HEATR9: variants seen among roughly 807,000 people sequenced by gnomAD.
HEATR9 encodes the protein protein HEATR9.
HEATR9 carries 54 observed loss-of-function variants against 68.2 expected under a neutral mutation model. The ratio of observed to expected loss-of-function variants is 0.79; its 90% CI spans 0.64 to 0.99. HEATR9 has a LOEUF of 0.99. Ranked by LOEUF, HEATR9 falls within the 50% of genes least tolerant of loss-of-function variation. The pLI is 0.00. For missense variants in HEATR9, 662 were observed against 679.7 expected, an observed-to-expected ratio of 0.97 and a Z score of 0.29; for synonymous variants, 241 against 253.5, an observed-to-expected ratio of 0.95 and a Z score of 0.47.
rs147961774 is a variant in HEATR9 at position 35,865,227 on chromosome 17, C to T, written c.308G>A (p.Arg103Lys). The T allele has an allele frequency of 3.0e-5, 48 of 1,613,838 alleles. No individual in the cohort carries two copies. In the East Asian group the frequency reaches 1.0e-3, roughly 34 times the overall value. The part of the protein sequence containing the change: ...REAEKMLRKM[R>K]DDCRYIKEVH... ...CAGCAAAACACACCTACAGTCATCT[C>T]TCATTTTCCTCAACATCTTCTCAGC... The change falls in exon 3 of 15, where the codon AGA (arginine) becomes AAA (lysine). Residue 103 changes from arginine (R) to lysine (K), a missense_variant. Arg to Lys is a conservative substitution (Grantham distance 26). Transcript: ENST00000604834.
chr17:35,857,588 T>C (rs1300107445), intron 11 of HEATR9, among the ~76,000 whole-genome samples: 1 of 151,958 alleles, frequency 6.6e-6, no homozygotes, highest in Non-Finnish European at 1.5e-5. Flanking sequence ...TGAAACCCCG[T>C]CTCTACTAAA....
intron 2 of HEATR9, among the ~76,000 whole-genome samples, chr17:35,865,843 A>C (rs2088181445): frequency 1.3e-5 from 2 of 152,194 alleles, no homozygotes; most frequent in Admixed American, 6.5e-5. Flanking sequence ...GCTCATTCAG[A>C]TATTTATTTG....
chr17:35,866,736 C>A lies in HEATR9; in HGVS notation c.126G>T (p.Leu42Phe). The change falls in exon 2 of 15, where the codon TTG (leucine) becomes TTT (phenylalanine). Residue 42 changes from leucine to phenylalanine, a missense_variant. Transcript: ENST00000604834. The part of the protein sequence containing the change: ...RKAMAPVHLP[L>F]SCYQMPKEEF... ...TAAGGGGTCTTACCTGGTAGCAGGA[C>A]AAGGGCAGATGAACAGGAGCCATGG... 1 of 1,614,048 alleles carries A rather than the reference C, an allele frequency of 6.2e-7. No homozygotes were observed. The highest frequency in any genetic ancestry group is 8.5e-7 in the Non-Finnish European group (1 of 1,179,958).
Position 35,859,033 on chromosome 17 carries a change from A to G in HEATR9, c.794T>C (p.Val265Ala). 6.2e-7 allele frequency: 1 copy of G among 1,614,220 alleles called. No homozygotes were observed. Among genetic ancestry groups the G allele is most frequent in the Non-Finnish European group, 8.5e-7 (1 of 1,180,038 alleles). Residue 265 changes from valine (V) to alanine (A), a missense_variant, in exon 9 of 15, where the codon GTA becomes GCA. Coordinates refer to ENST00000604834, the MANE Select transcript of HEATR9 (RefSeq NM_152781.4). ...QVGDEGKLVP[V>A]LQTLIKKSSS... Reference sequence around the variant, plus strand: ...CGACTTCTTGATCAGTGTCTGTAGTACAGGCACCAGCTTGCCCTCATCCCC... The same window carrying G: ...CGACTTCTTGATCAGTGTCTGTAGTGCAGGCACCAGCTTGCCCTCATCCCC...
At position 35,856,188 on chromosome 17, in the gene HEATR9, T is replaced by A; in HGVS notation, c.1263A>T (p.Glu421Asp). The A allele has an allele frequency of 6.2e-7, 1 of 1,614,160 alleles. No individual in the cohort carries two copies. Among genetic ancestry groups the A allele is most frequent in the Non-Finnish European group, 8.5e-7 (1 of 1,180,014 alleles). ...LMNPDATARQ[E>D]AVISLGVLGI... is the part of the protein sequence containing the mutation. ...CCTGCCTTACCAAAGAGATGACTGC[T>A]TCCTGGCGTGCAGTGGCATCTGGGT... Residue 421 changes from glutamate to aspartate, a missense_variant, in exon 13 of 15, where the codon GAA (glutamate) becomes GAT (aspartate). Glu to Asp is a conservative substitution (Grantham distance 45). Coordinates refer to ENST00000604834, the MANE Select transcript of HEATR9 (RefSeq NM_152781.4).
At chr17:35,858,116 G>T in intron 11 of HEATR9, 84 bp downstream of exon 11, 2 of 1,558,696 alleles carry the variant, frequency 1.3e-6, no homozygotes, top group Non-Finnish European at 1.8e-6. Flanking sequence ...GTGATACTTC[G>T]GTGGAGGCCA....
intron 12 of HEATR9, 74 bp downstream of exon 12, chr17:35,856,658 C>T (rs2087783088): frequency 7.5e-6 from 10 of 1,339,282 alleles, no homozygotes; most frequent in Non-Finnish European, 2.1e-6. Flanking sequence ...CCCCTTCCCA[C>T]TGACCCTCTC....
intron 8 of HEATR9, 35 bp from the exon 9 acceptor site, chr17:35,859,105 T>A: frequency 6.4e-7 from 1 of 1,572,594 alleles, no homozygotes; most frequent in Non-Finnish European, 8.7e-7. Flanking sequence ...GGGGAGGGGC[T>A]ATGTACTTTA....
At chr17:35,858,627 G>T in intron 9 of HEATR9, 102 bp from the exon 10 acceptor site, 1 of 1,119,740 alleles carries the variant, frequency 8.9e-7, no homozygotes. Context: ...GAACAGCTAA[G>T]GTCCTTTTTT....
chr17:35,856,750 A>G lies in HEATR9; in HGVS notation c.1208T>C (p.Met403Thr), dbSNP rs560712908. ...CACTCACGCCTCCACCAAGTTCATC[A>G]TCGTAGGCTTCAACTTGAGCTCTTC... ...TVEELKLKPT[M>T]MNLVEAQLMN... The change falls in exon 12 of 15, where the codon ATG (methionine) becomes ACG (threonine). Residue 403 changes from methionine (M) to threonine (T), a missense_variant. Coordinates refer to ENST00000604834, the MANE Select transcript of HEATR9 (RefSeq NM_152781.4). The G allele has an allele frequency of 1.2e-6, 2 of 1,605,670 alleles. No homozygotes were observed. Among genetic ancestry groups the G allele is most frequent in the Admixed American group, 1.7e-5 (1 of 59,072 alleles).
intron 5 of HEATR9, 23 bp downstream of exon 5, chr17:35,864,474 C>T (rs2088120911): frequency 6.2e-7 from 1 of 1,612,240 alleles, no homozygotes; most frequent in African/African-American, 1.3e-5. Context: ...TAACCACCCT[C>T]CTCTATCCTT....
At chr17:35,860,478 AT>A (rs111780037) in intron 8 of HEATR9, among the ~76,000 whole-genome samples, 13,166 of 105,534 alleles carry the variant, frequency 0.12, 796 homozygotes, top group African/African-American at 0.25. Context: ...TTATTTATTT[AT>A]TTTATTTATT....
Position 35,859,019 on chromosome 17 carries a change from TC to T in HEATR9, c.807del (p.Ile270SerfsTer19). 1 of 1,614,200 alleles carries T rather than the reference TC, an allele frequency of 6.2e-7. No individual in the cohort carries two copies. Among genetic ancestry groups the T allele is most frequent in the Non-Finnish European group, 8.5e-7 (1 of 1,180,040 alleles). ...EGKLVPVLQT[L>X]IKKSSSEASL... ...GATGCTTCACTGGACGACTTCTTGA[TC>T]AGTGTCTGTAGTACAGGCACCAGCT... On this transcript the variant is annotated frameshift_variant, in exon 9 of 15. Coordinates refer to ENST00000604834, the MANE Select transcript of HEATR9 (RefSeq NM_152781.4). LOFTEE classifies it high-confidence loss of function.
chr17:35,857,847 A>G lies in HEATR9; in HGVS notation c.1152+353T>C, dbSNP rs576084720. ...GGGAACATAGAGGAAGGTAGGGTTA[A>G]TGCTGATTGGTGATTTGGGAAAGCT... is the stretch of plus-strand genomic sequence containing the variant. On this transcript the variant is annotated intron_variant, in intron 11 of 14. Transcript: ENST00000604834. Among the ~76,000 whole-genome samples, 21 of 152,334 alleles carry G rather than the reference A, an allele frequency of 1.4e-4. No homozygotes were observed. In the South Asian group the frequency reaches 1.4e-3, roughly 11 times the overall value.
At chr17:35,856,376 C>CA in intron 12 of HEATR9, 152 bp from the exon 13 acceptor site, 1 of 1,571,036 alleles carries the variant, frequency 6.4e-7, no homozygotes. Flanking sequence ...AGAAAAGGGG[C>CA]AGGGAGAGGA....
intron 8 of HEATR9, chr17:35,861,066 A>T: frequency 1.2e-6 from 1 of 863,610 alleles, no homozygotes; most frequent in Non-Finnish European, 2.0e-6. Context: ...AGAAATGGTT[A>T]CAGAGATTTT....
At chr17:35,860,391 CAAAAAAA>C (rs1291619732) in intron 8 of HEATR9, among the ~76,000 whole-genome samples, 1 of 56,814 alleles carries the variant, frequency 1.8e-5, no homozygotes, top group Non-Finnish European at 3.6e-5. Flanking sequence ...GACTCCGTCT[CAAAAAAA>C]AAAAAAAAAC....
At chr17:35,860,902 C>T (rs1273456181) in intron 8 of HEATR9, among the ~76,000 whole-genome samples, 1 of 151,876 alleles carries the variant, frequency 6.6e-6, no homozygotes, top group Non-Finnish European at 1.5e-5. Context: ...AAAAATTAGC[C>T]GGGCGTGGTG....
rs757814714 is a variant in HEATR9 at position 35,856,275 on chromosome 17, G to A, written c.1227-51C>T. The A allele has an allele frequency of 1.1e-5, 18 of 1,613,832 alleles. No individual in the cohort carries two copies. In the Admixed American group the frequency reaches 3.0e-4, roughly 27 times the overall value. Reference sequence around the variant, plus strand: ...ATAGTTGAATTAAGGAGTAGGGGAAGTGGAAGGGAGGCTGGTTGCTTTTCA... The same window carrying A: ...ATAGTTGAATTAAGGAGTAGGGGAAATGGAAGGGAGGCTGGTTGCTTTTCA... On this transcript the variant is annotated intron_variant, in intron 12 of 14. Transcript: ENST00000604834.
Sources: allele counts gnomAD v4.1 joint callset (sites outside exome capture counted in the v4.1 genomes callset), GRCh38; gene constraint gnomAD v4.1.1; transcripts MANE v1.5; gene names NCBI Gene and HGNC (gene_info 2026-07-23, HGNC 2026-07-21).